The following ARB2A variants were observed in gnomAD, a reference collection of about 807,000 sequenced individuals.
ARB2A encodes the protein ARB2 cotranscriptional regulator A, also known as cotranscriptional regulator ARB2A.
At chr5:93,768,567 C>A in the ARB2A span, among the ~76,000 whole-genome samples, 169 of 150,732 alleles carry the variant, frequency 1.1e-3, no homozygotes, top group African/African-American at 3.4e-3. Context: ...ACTATATATA[C>A]ATATATACTA....
chr5:93,886,798 T>C, the ARB2A span, among the ~76,000 whole-genome samples: 1 of 151,770 alleles, frequency 6.6e-6, no homozygotes, highest in Non-Finnish European at 1.5e-5. Context: ...TTCTTCTCAA[T>C]GTGCATTTAG....
the ARB2A span, among the ~76,000 whole-genome samples, chr5:93,887,391 G>C: frequency 6.6e-6 from 1 of 151,730 alleles, no homozygotes; most frequent in East Asian, 1.9e-4. Flanking sequence ...AGAACATAAA[G>C]AAACTACAGT....
At chr5:93,704,612 C>T in the ARB2A span, among the ~76,000 whole-genome samples, 1 of 152,134 alleles carries the variant, frequency 6.6e-6, no homozygotes, top group South Asian at 2.1e-4. Flanking sequence ...ACAAGAAAAA[C>T]TAGTAACCCT....
the ARB2A span, among the ~76,000 whole-genome samples, chr5:94,052,040 T>C: frequency 2.6e-5 from 4 of 152,178 alleles, no homozygotes; most frequent in South Asian, 8.3e-4. Context: ...AGGCTGGTCT[T>C]GAACTCCTGA....
chr5:93,747,759 T>G, the ARB2A span, among the ~76,000 whole-genome samples: 1 of 152,128 alleles, frequency 6.6e-6, no homozygotes, highest in African/African-American at 2.4e-5. Context: ...GCAGAAAACA[T>G]CAGGCAGATG....
the ARB2A span, among the ~76,000 whole-genome samples, chr5:93,959,712 CTAGT>C: frequency 6.6e-6 from 1 of 152,086 alleles, no homozygotes; most frequent in Non-Finnish European, 1.5e-5. Context: ...ACTTTATAAA[CTAGT>C]TACTTACAGA....
At chr5:93,650,861 G>A in the ARB2A span, among the ~76,000 whole-genome samples, 6 of 151,920 alleles carry the variant, frequency 3.9e-5, no homozygotes, top group South Asian at 1.2e-3. Context: ...GCATGGTCGT[G>A]CATGCCTATA....
At chr5:93,784,148 C>T in the ARB2A span, 4 of 393,934 alleles carry the variant, frequency 1.0e-5, no homozygotes, top group African/African-American at 2.1e-5. Context: ...GAACACTATA[C>T]ACATATAGTG....
At chr5:93,781,780 A>G in the ARB2A span, 1,022 of 535,468 alleles carry the variant, frequency 1.9e-3, 8 homozygotes, top group African/African-American at 0.02. Flanking sequence ...ATGATTAGTG[A>G]TGTCGAGCAT....
the ARB2A span, among the ~76,000 whole-genome samples, chr5:93,832,246 G>T: frequency 1.3e-5 from 2 of 152,072 alleles, no homozygotes; most frequent in Non-Finnish European, 2.9e-5. Context: ...TTGAGCAGAT[G>T]CAGGAGTTAT....
the ARB2A span, among the ~76,000 whole-genome samples, chr5:93,955,918 T>C: frequency 2.0e-5 from 3 of 152,286 alleles, no homozygotes; most frequent in African/African-American, 7.2e-5. Flanking sequence ...CCAGTGGAAA[T>C]GCCTAAAAAG....
At chr5:93,951,461 G>T in the ARB2A span, among the ~76,000 whole-genome samples, 9 of 152,034 alleles carry the variant, frequency 5.9e-5, no homozygotes, top group Non-Finnish European at 1.2e-4. Flanking sequence ...CATAGTTTGA[G>T]GTCTTAAATT....
At chr5:94,047,227 C>T in the ARB2A span, among the ~76,000 whole-genome samples, 73 of 152,346 alleles carry the variant, frequency 4.8e-4, no homozygotes, top group Middle Eastern at 0.01. Context: ...CACAGTGGCT[C>T]ATGCCTGTAA....
At chr5:93,869,752 C>T in the ARB2A span, among the ~76,000 whole-genome samples, 45 of 152,144 alleles carry the variant, frequency 3.0e-4, no homozygotes, top group Non-Finnish European at 6.0e-4. Context: ...TCTCCCCCAC[C>T]ATAAGAAGGT....
the ARB2A span, among the ~76,000 whole-genome samples, chr5:94,067,708 T>TCATAGACTGGAATAATTCAATGAC: frequency 2.0e-5 from 3 of 152,132 alleles, no homozygotes; most frequent in Non-Finnish European, 4.4e-5. Context: ...CATTCCATGC[T>TCATAGACTGGAATAATTCAATGAC]CATAGACTGG....
chr5:93,747,607 C>T, the ARB2A span, among the ~76,000 whole-genome samples: 9 of 152,140 alleles, frequency 5.9e-5, no homozygotes, highest in African/African-American at 1.9e-4. Flanking sequence ...AGTCACCTCA[C>T]TATAATCCCA....
At chr5:94,033,765 G>A in the ARB2A span, among the ~76,000 whole-genome samples, 1 of 152,104 alleles carries the variant, frequency 6.6e-6, no homozygotes, top group Non-Finnish European at 1.5e-5. Flanking sequence ...CATGAGTTTT[G>A]GGGAGACACA....
chr5:93,770,021 T>C, the ARB2A span, among the ~76,000 whole-genome samples: 377 of 152,318 alleles, frequency 2.5e-3, 1 homozygote, highest in African/African-American at 8.7e-3. Context: ...TGATAAATTA[T>C]ACAGCAAAGT....
At chr5:93,949,833 C>G in the ARB2A span, among the ~76,000 whole-genome samples, 14 of 152,112 alleles carry the variant, frequency 9.2e-5, no homozygotes, top group Admixed American at 4.6e-4. Context: ...TCATTCCACT[C>G]TCTATCTCCC....
Sources: allele counts gnomAD v4.1 joint callset (sites outside exome capture counted in the v4.1 genomes callset), GRCh38; gene constraint gnomAD v4.1.1; transcripts MANE v1.5; gene names NCBI Gene and HGNC (gene_info 2026-07-23, HGNC 2026-07-21).